The following PPP1R16A variants were observed in gnomAD, a reference collection of about 807,000 sequenced individuals.
The protein encoded by PPP1R16A is protein phosphatase 1 regulatory subunit 16A.
PPP1R16A carries 39 observed loss-of-function variants against 46.6 expected under a neutral mutation model. That is an observed-to-expected ratio of 0.84 (90% CI 0.65 to 1.09). The LOEUF is 1.09. Among genes scored for constraint, PPP1R16A ranks in the 50% least tolerant of loss-of-function variants. The probability of loss-of-function intolerance (pLI) is 0.00; values close to 1 mark genes in which losing one functional copy is unlikely to be tolerated. For synonymous variants in PPP1R16A, 413 were observed against 321.5 expected (o/e 1.28, Z -3.04); for missense variants, 798 against 735.6 (o/e 1.08, Z -0.98).
At position 144,498,927 on chromosome 8, in the gene PPP1R16A, T is replaced by A. The variant is rs1379317530; in HGVS notation, c.342T>A (p.Asp114Glu). ...GGCACGGTTTGCAGTGCTGCATTGA[T>A]GATTTCCGAGAGATGGTGCAGCAGC... ...GLTALHQCCI[D>E]DFREMVQQLL... Residue 114 changes from aspartate (D) to glutamate (E), a missense_variant, in exon 5 of 12, where the codon GAT (aspartate) becomes GAA (glutamate). Asp to Glu is a conservative substitution (Grantham distance 45). Transcript: ENST00000435887. The A allele has an allele frequency of 1.2e-6, 2 of 1,612,930 alleles. No homozygotes were observed. The highest frequency in any genetic ancestry group is 3.3e-5 in the Admixed American group (2 of 60,024).
At chr8:144,497,849 C>T (rs553086911) in intron 3 of PPP1R16A, 31 of 371,406 alleles carry the variant, frequency 8.3e-5, no homozygotes, top group Admixed American at 4.7e-4. Flanking sequence ...TCTCCACCTC[C>T]GTGAAATAGG....
In PPP1R16A at chr8:144,496,886, A is replaced by G. The variant is rs1349048289; in HGVS notation, c.-309A>G. 5.8e-6 allele frequency: 3 copies of G among 513,544 alleles called. No homozygotes were observed. In the South Asian group the frequency reaches 6.4e-5, roughly 11 times the overall value. 31.8% of individuals were successfully genotyped at this position (513,544 alleles called of 1,614,324 possible). A position where few individuals can be genotyped will look rare whatever the true frequency, so the allele number is the denominator to read the frequency against. On this transcript the variant is annotated 5_prime_UTR_variant, in exon 3 of 12. Transcript: ENST00000435887. ...CGGCCAGGTCTCGGGGCTGCCTCCCATAGGTTGTGCACCCTGACCCCGAGA... is the reference window on the plus strand; with the variant it reads ...CGGCCAGGTCTCGGGGCTGCCTCCCGTAGGTTGTGCACCCTGACCCCGAGA...
chr8:144,484,721 C>T (rs561133356), intron 1 of PPP1R16A, among the ~76,000 whole-genome samples: 4 of 152,300 alleles, frequency 2.6e-5, no homozygotes, highest in East Asian at 1.9e-4. Context: ...ACAGACATTG[C>T]GTGAGAGCTC....
chr8:144,501,254 A>G lies in PPP1R16A; in HGVS notation c.1163A>G (p.Asp388Gly). The change falls in exon 11 of 12, where the codon GAC becomes GGC. Residue 388 changes from aspartate (D) to glycine (G), a missense_variant. Physicochemically the swap from Asp to Gly is moderately conservative, Grantham distance 94. Coordinates refer to ENST00000435887, the MANE Select transcript of PPP1R16A (RefSeq NM_001329443.2). ...TSPEPPEDND[D>G]RQTGAELRPP... is the part of the protein sequence containing the mutation. The stretch of plus-strand genomic sequence containing the variant: ...CCGGAGCCGCCCGAGGACAACGATG[A>G]CCGCCAGACAGGCGCAGAGCTCAGG... 1 of 1,602,938 alleles carries G rather than the reference A, an allele frequency of 6.2e-7. No individual in the cohort carries two copies. The highest frequency in any genetic ancestry group is 1.7e-5 in the Admixed American group (1 of 59,618).
At chr8:144,485,499 G>A (rs1258875715) in intron 1 of PPP1R16A, among the ~76,000 whole-genome samples, 5 of 150,758 alleles carry the variant, frequency 3.3e-5, no homozygotes, top group Non-Finnish European at 5.9e-5. Context: ...ACTGCAGCCC[G>A]GGCAACAGAG....
At chr8:144,491,023 CACTCCAGCGTGGGG>C (rs1825792829) in intron 2 of PPP1R16A, among the ~76,000 whole-genome samples, 1 of 152,094 alleles carries the variant, frequency 6.6e-6, no homozygotes, top group Admixed American at 6.5e-5. Context: ...GGCAGCACTG[CACTCCAGCGTGGGG>C]ACAGAGCAAG....
rs1489948286 is a variant in PPP1R16A, at chr8:144,500,212, G to A, written c.580+13G>A. The A allele has an allele frequency of 1.3e-6, 2 of 1,596,580 alleles. No individual in the cohort carries two copies. Among genetic ancestry groups the A allele is most frequent in the South Asian group, 1.1e-5 (1 of 88,668 alleles). ...ATGGCCGACCGTGGTAGGTGCGGCG[G>A]TGCGGCTGTGGGAGGGCTGCCGGTC... On this transcript the variant is annotated intron_variant, in intron 6 of 11. Transcript: ENST00000435887.
intron 1 of PPP1R16A, among the ~76,000 whole-genome samples, chr8:144,484,166 C>T (rs1030441133): frequency 3.3e-5 from 5 of 152,270 alleles, no homozygotes; most frequent in Non-Finnish European, 7.3e-5. Context: ...CACGTCTGTC[C>T]GCAGGTCCCC....
chr8:144,492,445 T>C (rs552763704), intron 2 of PPP1R16A, among the ~76,000 whole-genome samples: 8 of 151,932 alleles, frequency 5.3e-5, no homozygotes, highest in Non-Finnish European at 8.8e-5. Context: ...AAGTGATTCT[T>C]CTGCCTCAGC....
At chr8:144,498,322 G>T in intron 3 of PPP1R16A, 1 of 350,278 alleles carries the variant, frequency 2.9e-6, no homozygotes, top group Non-Finnish European at 5.7e-6. Context: ...GGGAGTGAGA[G>T]CAGGGATGTG....
At position 144,497,194 on chromosome 8, in the gene PPP1R16A, C is replaced by G. The variant is rs749515620; in HGVS notation, c.-1C>G. The G allele has an allele frequency of 1.3e-6, 2 of 1,562,472 alleles. No homozygotes were observed. Among genetic ancestry groups the G allele is most frequent in the Non-Finnish European group, 1.7e-6 (2 of 1,156,310 alleles). ...AGCCCTGTGGGCAAGCAGCCGCCGC[C>G]ATGGCCGAGCACCTGGAGCTGCTGG... On this transcript the variant is annotated 5_prime_UTR_variant, in exon 3 of 12. Coordinates refer to ENST00000435887, the MANE Select transcript of PPP1R16A (RefSeq NM_001329443.2).
In PPP1R16A at chr8:144,478,032, C is replaced by G. The variant is rs1005738940; in HGVS notation, c.-1009C>G. The G allele has an allele frequency of 2.8e-4, 111 of 394,140 alleles. No homozygotes were observed. Among genetic ancestry groups the G allele is most frequent in the Admixed American group, 4.4e-4 (10 of 22,480 alleles). 24.4% of individuals were successfully genotyped at this position (394,140 alleles called of 1,614,324 possible). A position where few individuals can be genotyped will look rare whatever the true frequency, so the allele number is the denominator to read the frequency against. On this transcript the variant is annotated 5_prime_UTR_variant, in exon 1 of 12. Transcript: ENST00000435887. ...GCGTTGCCATGGCGAGGGCCGGGTG[C>G]GGGGCCCGCCCCCGCAGCGCCTCAG...
chr8:144,482,877 A>G (rs1825488669), intron 1 of PPP1R16A, among the ~76,000 whole-genome samples: 1 of 151,624 alleles, frequency 6.6e-6, no homozygotes. Flanking sequence ...TGAGCTCCTG[A>G]CCTCATGGTC....
chr8:144,482,075 TGCCGCCGCCGCC>T (rs59209733), intron 1 of PPP1R16A, among the ~76,000 whole-genome samples: 1 of 150,984 alleles, frequency 6.6e-6, no homozygotes, highest in South Asian at 2.1e-4. Context: ...TGTGCCCGGC[TGCCGCCGCCGCC>T]GCCGCCGCCT....
rs538535644 is a variant in PPP1R16A at position 144,499,907 on chromosome 8, G to C, written c.477-189G>C. The C allele has an allele frequency of 1.4e-3, 834 of 601,948 alleles. 1 individual carries two copies. Among genetic ancestry groups the C allele is most frequent in the Non-Finnish European group, 2.1e-3 (730 of 341,514 alleles). The allele number at this position is 601,948 out of a possible 1,614,324, so 37.3% of individuals were successfully genotyped here. On this transcript the variant is annotated intron_variant, in intron 5 of 11. Coordinates refer to ENST00000435887, the MANE Select transcript of PPP1R16A (RefSeq NM_001329443.2). ...GATGGATAGAGACTGCAGGAGGCCTGTCTGGCTTAATGACAGGATCTAGGA... is the reference window on the plus strand; with the variant it reads ...GATGGATAGAGACTGCAGGAGGCCTCTCTGGCTTAATGACAGGATCTAGGA...
In PPP1R16A at chr8:144,496,680, G is replaced by GGCCT; in HGVS notation, c.-514_-513insCCTG. The GGCCT allele has an allele frequency of 4.9e-6, 1 of 204,972 alleles. No homozygotes were observed. Among genetic ancestry groups the GGCCT allele is most frequent in the South Asian group, 8.7e-5 (1 of 11,464 alleles). The allele number at this position is 204,972 out of a possible 1,614,324, so 12.7% of individuals were successfully genotyped here. On this transcript the variant is annotated 5_prime_UTR_variant, in exon 3 of 12. Coordinates refer to ENST00000435887, the MANE Select transcript of PPP1R16A (RefSeq NM_001329443.2). ...CACAGCTGGGAGGGGTTGGGGGCTG[G>GGCCT]GTCATGGCTGCTCCCAGGCCCCACC...
At chr8:144,485,204 T>C (rs376119786) in intron 1 of PPP1R16A, among the ~76,000 whole-genome samples, 1 of 19,252 alleles carries the variant, frequency 5.2e-5, no homozygotes, top group African/African-American at 2.0e-4. Flanking sequence ...TAAAAAAGAA[T>C]AGAATCTCAA....
At chr8:144,496,244 C>G (rs1466480385) in intron 2 of PPP1R16A, 2 of 152,330 alleles carry the variant, frequency 1.3e-5, no homozygotes, top group Non-Finnish European at 2.9e-5. Flanking sequence ...TCCCCCGCCC[C>G]TCTCTGAACC....
intron 1 of PPP1R16A, among the ~76,000 whole-genome samples, chr8:144,481,431 T>G (rs60016894): frequency 6.6e-6 from 1 of 151,296 alleles, no homozygotes; most frequent in African/African-American, 2.4e-5. Context: ...TCATCTGAGG[T>G]TGGGAGTTCG....
Sources: gnomAD v4.1 joint callset for allele counts (sites outside exome capture counted in the v4.1 genomes callset) on GRCh38, gnomAD v4.1.1 for gene constraint, MANE v1.5 for transcripts, NCBI Gene and HGNC (gene_info 2026-07-23, HGNC 2026-07-21) for gene names.